Variants in ZNF385D observed in about 807,000 individuals in gnomAD.
The protein encoded by ZNF385D is zinc finger protein 659.
A neutral mutation model predicts 35.8 loss-of-function variants in ZNF385D; 15 were observed. The observed-to-expected ratio is 0.42, with a 90% CI of 0.28 to 0.64. The LOEUF (loss-of-function observed/expected upper bound fraction) is 0.64. Among genes scored for constraint, ZNF385D ranks in the 30% least tolerant of loss-of-function variants. The pLI is 0.23. For synonymous variants in ZNF385D, 212 were observed against 186.8 expected, an observed-to-expected ratio of 1.13 and a Z score of -1.10; for missense variants, 474 against 494.6, an observed-to-expected ratio of 0.96 and a Z score of 0.39.
intron 3 of ZNF385D, among the ~76,000 whole-genome samples, chr3:21,830,479 G>A (rs575966973): frequency 3.3e-5 from 5 of 152,260 alleles, no homozygotes; most frequent in African/African-American, 9.6e-5. Flanking sequence ...TATTAGGTGC[G>A]CTGGGAAAGC....
At chr3:22,090,215 A>G (rs950583028) in intron 3 of ZNF385D, among the ~76,000 whole-genome samples, 1 of 152,178 alleles carries the variant, frequency 6.6e-6, no homozygotes, top group African/African-American at 2.4e-5. Flanking sequence ...TGGTCCCAGG[A>G]GATAGACCTC....
At chr3:21,462,641 T>C (rs1703246108) in intron 4 of ZNF385D, among the ~76,000 whole-genome samples, 1 of 152,282 alleles carries the variant, frequency 6.6e-6, no homozygotes, top group Non-Finnish European at 1.5e-5. Flanking sequence ...GTTCAAGTTA[T>C]ACAAGGCAAC....
chr3:22,229,088 C>T (rs778597064), intron 2 of ZNF385D, among the ~76,000 whole-genome samples: 3 of 152,170 alleles, frequency 2.0e-5, no homozygotes, highest in Non-Finnish European at 4.4e-5. Flanking sequence ...TTAATAAACT[C>T]TTTCATATAT....
chr3:22,152,110 T>C (rs1436226135), intron 3 of ZNF385D, among the ~76,000 whole-genome samples: 3 of 152,224 alleles, frequency 2.0e-5, no homozygotes, highest in Non-Finnish European at 4.4e-5. Context: ...AGGTTTTTGG[T>C]TTTCTGTTCC....
At chr3:21,434,611 T>C (rs1046391669) in intron 5 of ZNF385D, among the ~76,000 whole-genome samples, 3 of 152,126 alleles carry the variant, frequency 2.0e-5, no homozygotes, top group African/African-American at 7.2e-5. Context: ...TTACAAATAA[T>C]AGAGCTGGAT....
At position 21,510,822 on chromosome 3, in the gene ZNF385D, C is replaced by G. The variant is rs751583051; in HGVS notation, c.439+39G>C. On this transcript the variant is annotated intron_variant, in intron 4 of 7. Coordinates refer to ENST00000281523, the MANE Select transcript of ZNF385D (RefSeq NM_024697.3). The stretch of plus-strand genomic sequence containing the variant: ...AGACAAGGGAGGGAATCCCCAACGA[C>G]GACGACGAGGACAACAACAACAAAG... The G allele has an allele frequency of 1.9e-6, 3 of 1,608,830 alleles. No individual in the cohort carries two copies. The African/African-American group carries it at 4.0e-5, about 22-fold the overall frequency.
chr3:22,295,818 T>C (rs1321255531), intron 2 of ZNF385D, among the ~76,000 whole-genome samples: 2 of 152,140 alleles, frequency 1.3e-5, no homozygotes, highest in Non-Finnish European at 2.9e-5. Context: ...CTTTGAAAGA[T>C]GTGATCAGAG....
rs562978427 is a variant in ZNF385D, at chr3:21,765,217, T to TGAGAGA, written c.326-100195_326-100190dup. The stretch of plus-strand genomic sequence containing the variant: ...TACACATAAAATCTGTGTGTGTGTG[T>TGAGAGA]GAGAGAGAGAGAGAGAGAGAGCATT... On this transcript the variant is annotated intron_variant, in intron 3 of 5. Coordinates refer to the ZNF385D transcript ENST00000494108. 5.4e-5 allele frequency among the ~76,000 whole-genome samples: 8 copies of TGAGAGA among 149,472 alleles called. No homozygotes were observed. The Admixed American group carries it at 5.4e-4, about 10-fold the overall frequency.
intron 2 of ZNF385D, among the ~76,000 whole-genome samples, chr3:22,313,385 A>T (rs906892622): frequency 2.0e-5 from 3 of 152,104 alleles, no homozygotes; most frequent in Non-Finnish European, 2.9e-5. Flanking sequence ...TGTACCCTAA[A>T]ACTTAAAGTA....
rs77582593 is a variant in ZNF385D, at chr3:21,959,953, T to C, written c.325+208864A>G. Reference sequence around the variant, plus strand: ...ACTATAAAACTGCTAAAAGAAAACATAGGGGAAATTTTTCAGAACATTGGA... The same window carrying C: ...ACTATAAAACTGCTAAAAGAAAACACAGGGGAAATTTTTCAGAACATTGGA... On this transcript the variant is annotated intron_variant, in intron 3 of 5. Transcript: ENST00000494108. 5.1e-3 allele frequency among the ~76,000 whole-genome samples: 728 copies of C among 143,388 alleles called. 8 individuals are homozygous for C. The highest frequency in any genetic ancestry group is 0.018 in the African/African-American group (694 of 38,330). 94.1% of individuals were successfully genotyped at this position (143,388 alleles called of 152,430 possible). A position where few individuals can be genotyped will look rare whatever the true frequency, so the allele number is the denominator to read the frequency against.
At chr3:22,124,271 A>G (rs1178052405) in intron 3 of ZNF385D, among the ~76,000 whole-genome samples, 1 of 152,048 alleles carries the variant, frequency 6.6e-6, no homozygotes, top group Non-Finnish European at 1.5e-5. Context: ...ATTCTTTGTA[A>G]TGGCTGAATA....
chr3:22,305,563 G>C (rs1005115486), intron 2 of ZNF385D, among the ~76,000 whole-genome samples: 4 of 152,088 alleles, frequency 2.6e-5, no homozygotes, highest in Non-Finnish European at 4.4e-5. Flanking sequence ...ACCTCCTGGA[G>C]CATCATCATT....
At chr3:21,782,874 G>A (rs1181158587) in intron 3 of ZNF385D, among the ~76,000 whole-genome samples, 1 of 152,082 alleles carries the variant, frequency 6.6e-6, no homozygotes, top group African/African-American at 2.4e-5. Flanking sequence ...GAACAGAAAT[G>A]TAACTTAACC....
chr3:21,974,199 C>A (rs922677076), intron 3 of ZNF385D, among the ~76,000 whole-genome samples: 1 of 151,952 alleles, frequency 6.6e-6, no homozygotes, highest in African/African-American at 2.4e-5. Flanking sequence ...GTAAGGAAAA[C>A]AGTATGGTAC....
intron 2 of ZNF385D, among the ~76,000 whole-genome samples, chr3:22,195,454 C>A (rs1576477842): frequency 6.6e-6 from 1 of 151,832 alleles, no homozygotes; most frequent in Non-Finnish European, 1.5e-5. Flanking sequence ...TAATTCTTTT[C>A]TTTAATATAC....
chr3:21,633,607 T>C (rs1292578235), intron 2 of ZNF385D, among the ~76,000 whole-genome samples: 2 of 152,126 alleles, frequency 1.3e-5, no homozygotes, highest in African/African-American at 4.8e-5. Flanking sequence ...ATATTAGTTC[T>C]GGGCTCTCCT....
At chr3:21,602,512 A>ATTTTTTTTTTTTTTTTTTTTTT (rs199882061) in intron 2 of ZNF385D, among the ~76,000 whole-genome samples, 18 of 90,190 alleles carry the variant, frequency 2.0e-4, no homozygotes, top group Non-Finnish European at 2.8e-4. Context: ...GTTTCCCTGC[A>ATTTTTTTTTTTTTTTTTTTTTT]TTTTCTTTTT....
chr3:22,097,276 T>A (rs1318124763), intron 3 of ZNF385D, among the ~76,000 whole-genome samples: 1 of 152,018 alleles, frequency 6.6e-6, no homozygotes, highest in Admixed American at 6.6e-5. Flanking sequence ...GAACTGGAAT[T>A]TGATACCTGG....
intron 1 of ZNF385D, among the ~76,000 whole-genome samples, chr3:21,741,872 C>T (rs1399461652): frequency 3.3e-5 from 5 of 152,118 alleles, no homozygotes; most frequent in South Asian, 4.2e-4. Context: ...GCCTCTAAGT[C>T]TGAACTCTCC....
Sources: gnomAD v4.1 joint callset for allele counts (sites outside exome capture counted in the v4.1 genomes callset) on GRCh38, gnomAD v4.1.1 for gene constraint, MANE v1.5 for transcripts, NCBI Gene and HGNC (gene_info 2026-07-23, HGNC 2026-07-21) for gene names.